Variants in PTK2 observed in about 807,000 individuals in gnomAD.
PTK2 encodes protein tyrosine kinase 2.
A neutral mutation model predicts 150.1 loss-of-function variants in PTK2; 45 were observed. The ratio of observed to expected loss-of-function variants is 0.30; its 90% confidence interval spans 0.24 to 0.38. The LOEUF is 0.38. Ranked by LOEUF, PTK2 falls within the 10% of genes least tolerant of loss-of-function variation. The pLI, the probability that PTK2 is intolerant of heterozygous loss-of-function variation, is 1.00. For synonymous variants in PTK2, 432 were observed against 449.2 expected (o/e 0.96, Z 0.48); for missense variants, 919 against 1,307.3 (o/e 0.70, Z 4.58).
intron 16 of PTK2, among the ~76,000 whole-genome samples, chr8:140,756,332 A>AG (rs1239967103): frequency 1.3e-5 from 2 of 151,860 alleles, no homozygotes; most frequent in African/African-American, 4.8e-5. Context: ...CAAAAAAAAA[A>AG]AAAAAGAAAA....
intron 2 of PTK2, among the ~76,000 whole-genome samples, chr8:140,904,444 C>T (rs1010035708): frequency 6.6e-6 from 1 of 152,074 alleles, no homozygotes; most frequent in Non-Finnish European, 1.5e-5. Context: ...TCAGGCATAT[C>T]GGCCTGAAAT....
intron 5 of PTK2, among the ~76,000 whole-genome samples, chr8:140,854,873 T>C (rs1318368059): frequency 6.6e-6 from 1 of 152,100 alleles, no homozygotes; most frequent in Non-Finnish European, 1.5e-5. Flanking sequence ...GGGGAGTTTA[T>C]TGTAATCTAT....
intron 1 of PTK2, among the ~76,000 whole-genome samples, chr8:141,000,233 G>A (rs1466690941): frequency 6.6e-6 from 1 of 152,264 alleles, no homozygotes; most frequent in East Asian, 1.9e-4. Flanking sequence ...GCTGGGGGCG[G>A]GGAAGAGGAG....
intron 8 of PTK2, 97 bp downstream of exon 8, chr8:140,830,375 G>A: frequency 1.4e-6 from 1 of 736,434 alleles, no homozygotes; most frequent in Admixed American, 3.4e-5. Flanking sequence ...TGTAAGGAAG[G>A]AAACTACATT....
intron 14 of PTK2, among the ~76,000 whole-genome samples, chr8:140,765,633 G>A (rs981522269): frequency 4.6e-5 from 7 of 152,216 alleles, no homozygotes; most frequent in African/African-American, 1.7e-4. Context: ...GATTAAAAAA[G>A]TTTTAATAGA....
chr8:140,772,433 G>A (rs2100076018), intron 14 of PTK2, among the ~76,000 whole-genome samples: 1 of 152,196 alleles, frequency 6.6e-6, no homozygotes, highest in Admixed American at 6.5e-5. Context: ...TCGCCAAGAT[G>A]GGCCTGACAA....
chr8:140,660,608 C>A (rs140353135), intron 31 of PTK2: 1 of 455,230 alleles, frequency 2.2e-6, no homozygotes, highest in Non-Finnish European at 4.4e-6. Context: ...CACCTGTATT[C>A]CAAGCTACTC....
intron 2 of PTK2, among the ~76,000 whole-genome samples, chr8:140,911,175 G>A (rs541432233): frequency 2.0e-5 from 3 of 152,112 alleles, no homozygotes; most frequent in Middle Eastern, 3.4e-3. Context: ...ACAGGCGTGA[G>A]CCACAGCACC....
At chr8:140,872,446 C>G (rs1031680266) in intron 4 of PTK2, among the ~76,000 whole-genome samples, 31 of 152,314 alleles carry the variant, frequency 2.0e-4, no homozygotes, top group African/African-American at 7.2e-4. Flanking sequence ...ATTGATTAAA[C>G]ATTTTTGCCT....
chr8:140,959,400 A>G (rs4961306), intron 1 of PTK2, among the ~76,000 whole-genome samples: 134,839 of 151,132 alleles, frequency 0.89, 61,800 homozygotes, highest in Non-Finnish European at 1. Context: ...TTAGCCACGC[A>G]TGGTGGCGGG....
rs551140990 is a variant in PTK2, at chr8:140,779,094, C to T, written c.1177+10380G>A. On this transcript the variant is annotated intron_variant, in intron 14 of 31. Transcript: ENST00000522684. ...TGGTCAACATGGTGAAACCCCGTCG[C>T]TACTAAAAATAAAAAAAATTAGCTG... is the stretch of plus-strand genomic sequence containing the variant. Among the ~76,000 whole-genome samples the T allele has an allele frequency of 3.2e-3, 479 of 151,702 alleles. 2 individuals carry two copies. The highest frequency in any genetic ancestry group is 5.6e-3 in the Non-Finnish European group (383 of 67,896).
At chr8:140,972,920 T>A (rs2100187861) in intron 1 of PTK2, among the ~76,000 whole-genome samples, 1 of 152,244 alleles carries the variant, frequency 6.6e-6, no homozygotes, top group Admixed American at 6.5e-5. Flanking sequence ...AATCTAAAAT[T>A]CTAAAAATGA....
At chr8:140,886,022 G>A (rs1291388950) in intron 3 of PTK2, among the ~76,000 whole-genome samples, 5 of 152,136 alleles carry the variant, frequency 3.3e-5, no homozygotes, top group African/African-American at 1.2e-4. Flanking sequence ...GACATTTTAA[G>A]GCAGCTACTG....
chr8:140,936,563 C>A (rs2100173704), intron 1 of PTK2, among the ~76,000 whole-genome samples: 1 of 151,288 alleles, frequency 6.6e-6, no homozygotes, highest in African/African-American at 2.4e-5. Context: ...TCTTTAGTTG[C>A]CCTAAAAAAA....
intron 12 of PTK2, 101 bp from the exon 13 acceptor site, chr8:140,793,485 C>T (rs979379516): frequency 8.2e-7 from 1 of 1,225,488 alleles, no homozygotes; most frequent in Non-Finnish European, 1.1e-6. Flanking sequence ...TACTGGTATT[C>T]CAGCAATGAC....
At chr8:140,754,601 T>C (rs999746175) in intron 16 of PTK2, among the ~76,000 whole-genome samples, 1 of 152,212 alleles carries the variant, frequency 6.6e-6, no homozygotes, top group Non-Finnish European at 1.5e-5. Context: ...GTAAACATGG[T>C]GCTTTATTAA....
intron 20 of PTK2, 120 bp from the exon 24 acceptor site, chr8:140,739,227 C>A: frequency 1.8e-6 from 1 of 553,952 alleles, no homozygotes; most frequent in Admixed American, 3.9e-5. Context: ...CTTGAGGCTT[C>A]CATTTATTTG....
At chr8:140,898,428 G>C (rs1013763997) in intron 2 of PTK2, among the ~76,000 whole-genome samples, 1 of 152,220 alleles carries the variant, frequency 6.6e-6, no homozygotes, top group Non-Finnish European at 1.5e-5. Context: ...TGGGAGAGAA[G>C]ATGGAATGTC....
intron 1 of PTK2, among the ~76,000 whole-genome samples, chr8:140,937,722 T>C (rs531090070): frequency 1.3e-5 from 2 of 152,246 alleles, no homozygotes; most frequent in South Asian, 4.2e-4. Context: ...TCAAATACAT[T>C]TACATATTTT....
Sources: allele counts gnomAD v4.1 joint callset (sites outside exome capture counted in the v4.1 genomes callset), GRCh38; gene constraint gnomAD v4.1.1; transcripts MANE v1.5; gene names NCBI Gene and HGNC (gene_info 2026-07-23, HGNC 2026-07-21).